Variants in GRIK4 observed in about 807,000 individuals in gnomAD.
GRIK4 encodes the protein glutamate receptor ionotropic, kainate 4.
Under a neutral mutation model 104.9 loss-of-function variants are expected in GRIK4, and 40 were observed. The observed-to-expected ratio is 0.38, with a 90% confidence interval of 0.30 to 0.50. The LOEUF (loss-of-function observed/expected upper bound fraction) is 0.50. Among genes scored for constraint, GRIK4 ranks in the 20% least tolerant of loss-of-function variants. The pLI, the probability that GRIK4 is intolerant of heterozygous loss-of-function variation, is 0.93. For missense variants in GRIK4, 1,047 were observed against 1,308.1 expected (o/e 0.80, Z 3.08); for synonymous variants, 485 against 524.9 (o/e 0.92, Z 1.04).
At position 120,718,561 on chromosome 11, in the gene GRIK4, C is replaced by G. The variant is rs181102620; in HGVS notation, c.82+58161C>G. Among the ~76,000 whole-genome samples, 5 of 152,346 alleles carry G rather than the reference C, an allele frequency of 3.3e-5. No individual in the cohort carries two copies. The East Asian group carries it at 9.6e-4, about 29-fold the overall frequency. On this transcript the variant is annotated intron_variant, in intron 3 of 20. Transcript: ENST00000527524. ...ACTTAACCTCCAGCCGCAAGTACAG[C>G]CTTGCCCCGGCATGGGACCAATCCT...
intron 9 of GRIK4, among the ~76,000 whole-genome samples, chr11:120,862,508 A>G (rs927472196): frequency 3.3e-5 from 5 of 152,110 alleles, no homozygotes; most frequent in Admixed American, 3.3e-4. Flanking sequence ...CTGGAATGGG[A>G]TGTGGAGTGG....
At chr11:120,700,519 C>T (rs1000586715) in intron 3 of GRIK4, among the ~76,000 whole-genome samples, 7 of 152,088 alleles carry the variant, frequency 4.6e-5, no homozygotes, top group East Asian at 1.9e-4. Flanking sequence ...GGTGCAGTGG[C>T]GTGATCTCGG....
Position 120,836,845 on chromosome 11 carries a change from G to A in GRIK4, c.744+1G>A, listed in dbSNP as rs778328659. 6.4e-7 allele frequency: 1 copy of A among 1,566,674 alleles called. No individual in the cohort carries two copies. Among genetic ancestry groups the A allele is most frequent in the East Asian group, 2.2e-5 (1 of 44,688 alleles). ...TTACACATACATCTTCACTAATCTG[G>A]TAAGATGTTCTCACAGCTCACCTCC... is the stretch of plus-strand genomic sequence containing the variant. On this transcript the variant is annotated splice_donor_variant, in intron 8 of 20. Coordinates refer to ENST00000527524, the MANE Select transcript of GRIK4 (RefSeq NM_014619.5). LOFTEE classifies it high-confidence loss of function.
At position 120,787,849 on chromosome 11, in the gene GRIK4, T is replaced by TC. The variant is rs1472171526; in HGVS notation, c.83-14844_83-14843insC. Among the ~76,000 whole-genome samples the TC allele has an allele frequency of 8.5e-4, 82 of 95,990 alleles. 1 individual carries two copies. The highest frequency in any genetic ancestry group is 2.8e-3 in the African/African-American group (78 of 28,216). 63.0% of individuals were successfully genotyped at this position (95,990 alleles called of 152,430 possible). A position where few individuals can be genotyped will look rare whatever the true frequency, so the allele number is the denominator to read the frequency against. On this transcript the variant is annotated intron_variant, in intron 3 of 20. Transcript: ENST00000527524. ...ATATTTCTTCTCTTTTTTCTTTTCT[T>TC]TTCTTTTTTTTTTTTTTTTTTTTTT...
At chr11:120,926,040 T>G (rs1943338911) in intron 13 of GRIK4, among the ~76,000 whole-genome samples, 1 of 151,908 alleles carries the variant, frequency 6.6e-6, no homozygotes, top group African/African-American at 2.4e-5. Context: ...TCCTGAAAAC[T>G]CAGATAGGAT....
intron 3 of GRIK4, among the ~76,000 whole-genome samples, chr11:120,661,403 C>G (rs1949812627): frequency 6.6e-6 from 1 of 151,684 alleles, no homozygotes; most frequent in African/African-American, 2.4e-5. Flanking sequence ...CAGGTTACCC[C>G]AACGGATAAC....
intron 3 of GRIK4, among the ~76,000 whole-genome samples, chr11:120,729,167 G>A (rs1414825318): frequency 7.2e-5 from 11 of 152,198 alleles, no homozygotes; most frequent in Admixed American, 1.3e-4. Flanking sequence ...ATCTGTTGAC[G>A]GACACTTAAG....
chr11:120,819,881 A>C lies in GRIK4; in HGVS notation c.472A>C (p.Asn158His), dbSNP rs747761695. ...TGTAGCTGGGATCCTGAACTTCTTCAACTGCACCACCGCCTGCCTCATCTG... is the reference window on the plus strand; with the variant it reads ...TGTAGCTGGGATCCTGAACTTCTTCCACTGCACCACCGCCTGCCTCATCTG... The part of the protein sequence containing the change: ...VAVAGILNFF[N>H]CTTACLICAK... Residue 158 changes from asparagine (N) to histidine (H), a missense_variant, in exon 6 of 21, where the codon AAC becomes CAC. Asn to His is a moderately conservative substitution (Grantham distance 68). This residue lies in a region of GRIK4 where 447 missense variants were observed against 514.9 expected (regional missense o/e 0.87). Coordinates refer to ENST00000527524, the MANE Select transcript of GRIK4 (RefSeq NM_014619.5). The surrounding 1 kb of genome is among the most constrained non-coding windows in gnomAD (Gnocchi z 4.3). 3.1e-6 allele frequency: 5 copies of C among 1,614,080 alleles called. No individual in the cohort carries two copies.
At chr11:120,899,356 G>A (rs1352005938) in intron 12 of GRIK4, among the ~76,000 whole-genome samples, 1 of 150,704 alleles carries the variant, frequency 6.6e-6, no homozygotes, top group Non-Finnish European at 1.5e-5. Context: ...AGGAGGCAGA[G>A]GTTGCAGTGA....
intron 3 of GRIK4, among the ~76,000 whole-genome samples, chr11:120,734,278 C>G (rs936075283): frequency 6.6e-6 from 1 of 152,116 alleles, no homozygotes; most frequent in Non-Finnish European, 1.5e-5. Flanking sequence ...TTTTATTTCT[C>G]CTTTATGCTT....
At chr11:120,624,024 C>T (rs1281221935) in intron 1 of GRIK4, among the ~76,000 whole-genome samples, 1 of 151,810 alleles carries the variant, frequency 6.6e-6, no homozygotes, top group East Asian at 1.9e-4. Context: ...CTGCCTCTCT[C>T]CATCACTGCC....
intron 1 of GRIK4, among the ~76,000 whole-genome samples, chr11:120,638,173 C>A (rs1003656409): frequency 6.6e-6 from 1 of 152,128 alleles, no homozygotes; most frequent in African/African-American, 2.4e-5. Context: ...AGCCACTATA[C>A]CTGGTCATGT....
chr11:120,582,761 A>G (rs926091064), intron 1 of GRIK4, among the ~76,000 whole-genome samples: 9 of 152,120 alleles, frequency 5.9e-5, no homozygotes, highest in African/African-American at 1.7e-4. Flanking sequence ...TCTACCGTTG[A>G]TGGGCATTTA....
At chr11:120,633,119 T>C (rs1327031652) in intron 1 of GRIK4, among the ~76,000 whole-genome samples, 4 of 152,138 alleles carry the variant, frequency 2.6e-5, no homozygotes, top group Non-Finnish European at 4.4e-5. Flanking sequence ...ACCAGCGCCA[T>C]GCAGAAGAGT....
At chr11:120,901,288 T>C (rs533895376) in intron 12 of GRIK4, among the ~76,000 whole-genome samples, 8 of 152,064 alleles carry the variant, frequency 5.3e-5, no homozygotes, top group Non-Finnish European at 1.0e-4. Flanking sequence ...GCATGGGGTC[T>C]AGTGGATGGC....
In GRIK4 at chr11:120,903,022, A is replaced by G. The variant is rs1055563973; in HGVS notation, c.1273-2268A>G. On this transcript the variant is annotated intron_variant, in intron 12 of 20. Transcript: ENST00000527524. This position sits in a 1 kb window ranked among gnomAD's most constrained non-coding sequence, Gnocchi z 4.4. ...TCACGCCCACATCCTGCTCTCCCTC[A>G]CAGTCCCTCCATGACCTTGTGTCTG... 6.6e-6 allele frequency among the ~76,000 whole-genome samples: 1 copy of G among 152,030 alleles called. No homozygotes were observed. Among genetic ancestry groups the G allele is most frequent in the African/African-American group, 2.4e-5 (1 of 41,376 alleles).
intron 3 of GRIK4, among the ~76,000 whole-genome samples, chr11:120,760,633 TC>T (rs1261329169): frequency 6.6e-6 from 1 of 151,964 alleles, no homozygotes; most frequent in African/African-American, 2.4e-5. Flanking sequence ...TGTCTGATGT[TC>T]CCCTCCCTGT....
intron 8 of GRIK4, among the ~76,000 whole-genome samples, chr11:120,854,339 C>A (rs1954050728): frequency 6.6e-6 from 1 of 152,188 alleles, no homozygotes; most frequent in Admixed American, 6.5e-5. Context: ...ATTTTAAACA[C>A]CACTGTTAGG....
intron 19 of GRIK4, among the ~76,000 whole-genome samples, chr11:120,979,272 C>T (rs1007838614): frequency 6.6e-6 from 1 of 152,192 alleles, no homozygotes; most frequent in African/African-American, 2.4e-5. Context: ...GTAAAAACTT[C>T]ATTACATGTA....
Sources: gnomAD v4.1 joint callset for allele counts (sites outside exome capture counted in the v4.1 genomes callset) on GRCh38, gnomAD v4.1.1 for gene constraint, gnomAD v4.1.1 regional missense constraint, Gnocchi (gnomAD v3.1) non-coding constraint, MANE v1.5 for transcripts, NCBI Gene and HGNC (gene_info 2026-07-23, HGNC 2026-07-21) for gene names.